Variants in ANXA11 observed in about 807,000 individuals in gnomAD.
ANXA11 encodes the protein 56 kDa autoantigen.
Under a neutral mutation model 64.7 loss-of-function variants are expected in ANXA11, and 57 were observed. That is an observed-to-expected ratio of 0.88 (90% confidence interval 0.71 to 1.10). The LOEUF is 1.10. ANXA11 is among the 50% of genes least tolerant of loss of function. The probability of loss-of-function intolerance (pLI) is 0.00; values close to 1 mark genes in which losing one functional copy is unlikely to be tolerated. For synonymous variants in ANXA11, 260 were observed against 265.2 expected (o/e 0.98, Z 0.19); for missense variants, 675 against 670.7 (o/e 1.01, Z -0.07).
intron 8 of ANXA11, among the ~76,000 whole-genome samples, chr10:80,165,012 G>A (rs1042539920): frequency 6.6e-6 from 1 of 152,218 alleles, no homozygotes; most frequent in African/African-American, 2.4e-5. Flanking sequence ...CACAGCTGGT[G>A]AGTGACAGCT....
intron 2 of ANXA11, among the ~76,000 whole-genome samples, chr10:80,175,493 A>G (rs923045191): frequency 2.0e-5 from 3 of 152,232 alleles, no homozygotes; most frequent in Admixed American, 2.0e-4. Context: ...TGTTCCTTAT[A>G]CCAAGTAAAT....
At chr10:80,183,224 A>G (rs959116273) in intron 1 of ANXA11, among the ~76,000 whole-genome samples, 3 of 152,318 alleles carry the variant, frequency 2.0e-5, no homozygotes, top group Middle Eastern at 6.8e-3. Flanking sequence ...CCAGAACTCA[A>G]GATGGAAGGT....
rs760339593 is a variant in ANXA11, at chr10:80,169,249, G to T, written c.281C>A (p.Pro94His). ...GGGAGGAACAGGCTGCTGGGCAGAG[G>T]GGGGCTGCCCAAAGCCGCCAGGGGG... is the stretch of plus-strand genomic sequence containing the variant. Reference protein sequence around the residue: ...PVPPGGFGQPPSAQQPVPPYG... With the variant: ...PVPPGGFGQPHSAQQPVPPYG... The change falls in exon 5 of 16, where the codon CCC becomes CAC. Residue 94 changes from proline to histidine, a missense_variant. Pro to His is a moderately conservative substitution (Grantham distance 77). Coordinates refer to ENST00000422982, the MANE Select transcript of ANXA11 (RefSeq NM_145868.2). The T allele has an allele frequency of 1.2e-6, 2 of 1,611,888 alleles. No homozygotes were observed. The highest frequency in any genetic ancestry group is 2.2e-5 in the South Asian group (2 of 90,990).
At chr10:80,195,668 C>T (rs960945340) in intron 1 of ANXA11, 2 of 156,712 alleles carry the variant, frequency 1.3e-5, no homozygotes. Context: ...CATTTTCACA[C>T]TGCTGATAAA....
At chr10:80,164,279 C>T in intron 8 of ANXA11, 136 bp from the exon 9 acceptor site, 2 of 640,524 alleles carry the variant, frequency 3.1e-6, no homozygotes, top group South Asian at 1.9e-5. Context: ...CACCCTCCAG[C>T]CACTCCCAGG....
chr10:80,199,838 T>A (rs1024579918), intron 1 of ANXA11, among the ~76,000 whole-genome samples: 3 of 152,184 alleles, frequency 2.0e-5, no homozygotes, highest in Non-Finnish European at 4.4e-5. Flanking sequence ...GATCTCAGGG[T>A]ACAACAAGGC....
At chr10:80,168,409 A>T (rs1022894076) in intron 5 of ANXA11, among the ~76,000 whole-genome samples, 1 of 152,122 alleles carries the variant, frequency 6.6e-6, no homozygotes, top group African/African-American at 2.4e-5. Context: ...TTCTGACCCA[A>T]CTCGGATGTG....
chr10:80,181,840 G>C (rs1846366553), intron 1 of ANXA11, among the ~76,000 whole-genome samples: 1 of 152,222 alleles, frequency 6.6e-6, no homozygotes, highest in African/African-American at 2.4e-5. Flanking sequence ...CGCTGGTGGG[G>C]ATGTAAAGCG....
At chr10:80,155,967 C>T (rs1845259820) in intron 15 of ANXA11, 55 bp from the exon 16 acceptor site, 1 of 1,559,858 alleles carries the variant, frequency 6.4e-7, no homozygotes, top group Non-Finnish European at 8.8e-7. Flanking sequence ...CACTTTCAGC[C>T]TTCTGGGTCC....
At chr10:80,186,832 T>C (rs551686936) in intron 1 of ANXA11, among the ~76,000 whole-genome samples, 1 of 152,284 alleles carries the variant, frequency 6.6e-6, no homozygotes, top group Admixed American at 6.5e-5. Flanking sequence ...GTCACGCTCC[T>C]CCATGGCAGG....
intron 4 of ANXA11, 135 bp downstream of exon 4, chr10:80,170,665 G>T: frequency 1.8e-6 from 1 of 560,872 alleles, no homozygotes. Flanking sequence ...CCTGTTCTAA[G>T]GTACAGCTCA....
At chr10:80,187,583 T>A (rs920378771) in intron 1 of ANXA11, among the ~76,000 whole-genome samples, 11 of 151,912 alleles carry the variant, frequency 7.2e-5, no homozygotes, top group African/African-American at 1.2e-4. Flanking sequence ...TCTCTCTCTC[T>A]CACACACTCC....
chr10:80,171,030 C>T (rs778496390), intron 3 of ANXA11, 115 bp from the exon 4 acceptor site: 31 of 1,521,952 alleles, frequency 2.0e-5, no homozygotes, highest in Non-Finnish European at 2.5e-5. Flanking sequence ...CCTCGAGCCT[C>T]GAGCCTCGGG....
Position 80,172,831 on chromosome 10 carries a change from C to G in ANXA11, c.31G>C (p.Gly11Arg). 1.2e-6 allele frequency: 2 copies of G among 1,614,038 alleles called. No individual in the cohort carries two copies. The highest frequency in any genetic ancestry group is 8.5e-7 in the Non-Finnish European group (1 of 1,179,956). Residue 11 changes from glycine (G) to arginine (R), a missense_variant, in exon 3 of 16, where the codon GGT becomes CGT. Coordinates refer to ENST00000422982, the MANE Select transcript of ANXA11 (RefSeq NM_145868.2). MSYPGYPPPP[G>R]GYPPAAPGGG... is the part of the protein sequence containing the mutation. ...CCTGGTGCAGCTGGTGGGTAGCCACCTGGGGGCGGGGGATAGCCAGGGTAG... is the reference window on the plus strand; with the variant it reads ...CCTGGTGCAGCTGGTGGGTAGCCACGTGGGGGCGGGGGATAGCCAGGGTAG...
chr10:80,205,471 C>A lies in ANXA11; in HGVS notation c.-186G>T, dbSNP rs11542747. 0.064 allele frequency: 9,742 copies of A among 152,016 alleles called. 403 individuals carry two copies. Among genetic ancestry groups the A allele is most frequent in the Non-Finnish European group, 0.098 (6,676 of 67,918 alleles). 9.4% of individuals were successfully genotyped at this position (152,016 alleles called of 1,614,324 possible). On this transcript the variant is annotated 5_prime_UTR_variant, in exon 1 of 16. Transcript: ENST00000422982. ...TGGGTCCCACTCCCGCTCGCGGGGC[C>A]CGCGGGGCACTCGGGGCACTGGGGA...
chr10:80,190,109 G>A (rs1016283011), intron 1 of ANXA11, among the ~76,000 whole-genome samples: 1 of 152,348 alleles, frequency 6.6e-6, no homozygotes, highest in Non-Finnish European at 1.5e-5. Flanking sequence ...CCAGGGCTCA[G>A]GTAAGAGGGA....
At chr10:80,193,523 A>T (rs968965568) in intron 1 of ANXA11, among the ~76,000 whole-genome samples, 4 of 152,140 alleles carry the variant, frequency 2.6e-5, no homozygotes, top group African/African-American at 9.7e-5. Flanking sequence ...TAAAATAAGC[A>T]TCCTTTATCA....
In ANXA11 at chr10:80,157,964, T is replaced by C; in HGVS notation, c.1335+3A>G. ...TCGCAACCTGCACATGGAAGTTACATACCCTCATGGCCTTGTTGAGCCTCT... is the reference window on the plus strand; with the variant it reads ...TCGCAACCTGCACATGGAAGTTACACACCCTCATGGCCTTGTTGAGCCTCT... On this transcript the variant is annotated splice_donor_region_variant and intron_variant, in intron 14 of 15. Coordinates refer to ENST00000422982, the MANE Select transcript of ANXA11 (RefSeq NM_145868.2). 6.2e-7 allele frequency: 1 copy of C among 1,613,838 alleles called. No individual in the cohort carries two copies. Among genetic ancestry groups the C allele is most frequent in the Admixed American group, 1.7e-5 (1 of 60,022 alleles).
chr10:80,161,965 A>G lies in ANXA11; in HGVS notation c.1150T>C (p.Cys384Arg), dbSNP rs1459640871. ...TDESKFNAVL[C>R]SRSRAHLVAV... is the part of the protein sequence containing the mutation. ...ACCAGGTGGGCCCGGCTCCGGGAGC[A>G]CAGAACCGCATTGAACTTGGACTCG... is the stretch of plus-strand genomic sequence containing the variant. Residue 384 changes from cysteine to arginine, a missense_variant, in exon 12 of 16, where the codon TGC (cysteine) becomes CGC (arginine). Physicochemically the swap from Cys to Arg is radical, Grantham distance 180 (BLOSUM62 -3). Transcript: ENST00000422982. 6.2e-7 allele frequency: 1 copy of G among 1,612,502 alleles called. No individual in the cohort carries two copies. The highest frequency in any genetic ancestry group is 8.5e-7 in the Non-Finnish European group (1 of 1,179,722).
Sources: allele counts gnomAD v4.1 joint callset (sites outside exome capture counted in the v4.1 genomes callset), GRCh38; gene constraint gnomAD v4.1.1; transcripts MANE v1.5; gene names NCBI Gene and HGNC (gene_info 2026-07-23, HGNC 2026-07-21).